IL23R: variants seen among roughly 807,000 people sequenced by gnomAD.
The protein encoded by IL23R is interleukin 23 receptor.
A neutral mutation model predicts 56.9 loss-of-function variants in IL23R; 34 were observed. The ratio of observed to expected loss-of-function variants is 0.60; its 90% CI spans 0.45 to 0.80. The LOEUF is 0.80. Ranked by LOEUF, IL23R falls within the 30% of genes least tolerant of loss-of-function variation. The probability of loss-of-function intolerance (pLI) is 0.00; values close to 1 mark genes in which losing one functional copy is unlikely to be tolerated. For missense variants in IL23R, 635 were observed against 730.0 expected (o/e 0.87, Z 1.50); for synonymous variants, 230 against 249.2 (o/e 0.92, Z 0.73).
chr1:67,248,824 T>C (rs1395930708), intron 9 of IL23R, among the ~76,000 whole-genome samples: 1 of 152,116 alleles, frequency 6.6e-6, no homozygotes, highest in African/African-American at 2.4e-5. Flanking sequence ...GATCTGCTGG[T>C]TGTGAAGACC....
At chr1:67,244,992 C>G (rs1390853737) in intron 9 of IL23R, among the ~76,000 whole-genome samples, 1 of 151,800 alleles carries the variant, frequency 6.6e-6, no homozygotes, top group African/African-American at 2.4e-5. Flanking sequence ...TTTCCTTGAG[C>G]AGTGGTTTGT....
chr1:67,254,054 T>TTTTA (rs946082847), intron 9 of IL23R, among the ~76,000 whole-genome samples: 91 of 152,024 alleles, frequency 6.0e-4, no homozygotes, highest in Middle Eastern at 3.4e-3. Flanking sequence ...AAGCAAAATA[T>TTTTA]TTTATTTATT....
At chr1:67,242,725 G>T (rs1290162839) in intron 9 of IL23R, among the ~76,000 whole-genome samples, 1 of 152,174 alleles carries the variant, frequency 6.6e-6, no homozygotes, top group Non-Finnish European at 1.5e-5. Context: ...GTTCTAGATT[G>T]TGAAGGGGTT....
rs770288306 is a variant in IL23R, at chr1:67,169,647, T to TG, written c.367+13dup. ...AGACATTTCTTCTGGATGTAAGTGT[T>TG]GGGGCACATTTGAAATGCAAACAAA... On this transcript the variant is annotated intron_variant, in intron 3 of 10. Coordinates refer to ENST00000347310, the MANE Select transcript of IL23R (RefSeq NM_144701.3). The TG allele has an allele frequency of 2.5e-6, 4 of 1,613,010 alleles. No homozygotes were observed. The highest frequency in any genetic ancestry group is 8.5e-7 in the Non-Finnish European group (1 of 1,179,176).
In IL23R at chr1:67,188,949, A is replaced by G. The variant is rs755310845; in HGVS notation, c.491+5990A>G. Among the ~76,000 whole-genome samples the G allele has an allele frequency of 1.5e-4, 23 of 152,188 alleles. 1 individual carries two copies. The highest frequency in any genetic ancestry group is 6.5e-4 in the Admixed American group (10 of 15,282). ...TAATATTCAGACTATAGCAAAGGAT[A>G]TTATAATATTATGGCCTAAGGGAAA... On this transcript the variant is annotated intron_variant, in intron 4 of 10. Transcript: ENST00000347310.
At chr1:67,258,421 TC>T in intron 10 of IL23R, 56 bp from the exon 11 acceptor site, 1 of 1,337,798 alleles carries the variant, frequency 7.5e-7, no homozygotes, top group South Asian at 1.3e-5. Context: ...CATTCAATTA[TC>T]CAGTTGGTTC....
chr1:67,142,497 C>T (rs1480975252), intron 1 of IL23R, among the ~76,000 whole-genome samples: 1 of 152,142 alleles, frequency 6.6e-6, no homozygotes, highest in Non-Finnish European at 1.5e-5. Flanking sequence ...GAGCTGAAGC[C>T]TCTCCCATTG....
At chr1:67,168,337 A>G in intron 2 of IL23R, 147 bp downstream of exon 2, 1 of 728,724 alleles carries the variant, frequency 1.4e-6, no homozygotes, top group Non-Finnish European at 2.4e-6. Flanking sequence ...ATTACATAGA[A>G]TGAAATAAAA....
intron 5 of IL23R, among the ~76,000 whole-genome samples, chr1:67,205,927 T>C (rs1024023196): frequency 9.0e-6 from 1 of 110,848 alleles, no homozygotes. Flanking sequence ...TTCTTTCTTT[T>C]TCTTTCTTTC....
At chr1:67,185,547 A>G (rs904679744) in intron 4 of IL23R, among the ~76,000 whole-genome samples, 8 of 152,010 alleles carry the variant, frequency 5.3e-5, no homozygotes, top group Non-Finnish European at 1.0e-4. Context: ...GTTTCAAGCA[A>G]TTCTCCCAGC....
chr1:67,246,821 A>G (rs1250618786), intron 9 of IL23R, among the ~76,000 whole-genome samples: 1 of 152,150 alleles, frequency 6.6e-6, no homozygotes, highest in Non-Finnish European at 1.5e-5. Context: ...GTAGATGTCT[A>G]TAGGTCCCAC....
rs181101796 is a variant in IL23R, at chr1:67,184,095, G to A, written c.491+1136G>A. 3.1e-3 allele frequency among the ~76,000 whole-genome samples: 477 copies of A among 152,002 alleles called. 5 individuals are homozygous for A. Among genetic ancestry groups the A allele is most frequent in the African/African-American group, 0.011 (435 of 41,428 alleles). On this transcript the variant is annotated intron_variant, in intron 4 of 10. Coordinates refer to ENST00000347310, the MANE Select transcript of IL23R (RefSeq NM_144701.3). ...CTAAAAATACAAAAATTAGCTGGGCGTGGTGGTGGGCGCCTGTAATCCCAG... is the reference window on the plus strand; with the variant it reads ...CTAAAAATACAAAAATTAGCTGGGCATGGTGGTGGGCGCCTGTAATCCCAG...
In IL23R at chr1:67,168,072, T is replaced by G. The variant is rs1016886478; in HGVS notation, c.-29-20T>G. The G allele has an allele frequency of 1.5e-6, 2 of 1,298,856 alleles. No individual in the cohort carries two copies. The highest frequency in any genetic ancestry group is 3.4e-5 in the Admixed American group (2 of 59,632). The allele number at this position is 1,298,856 out of a possible 1,614,324, so 80.5% of individuals were successfully genotyped here. ...TACTAAAATACTACAATTTAAACAT[T>G]TTTCATATTTTTTTTCCAGAGGGAA... On this transcript the variant is annotated intron_variant, in intron 1 of 10. Transcript: ENST00000347310.
At chr1:67,192,089 G>A (rs528941514) in intron 4 of IL23R, among the ~76,000 whole-genome samples, 6 of 152,274 alleles carry the variant, frequency 3.9e-5, no homozygotes, top group African/African-American at 1.4e-4. Flanking sequence ...GTGAGGGAAA[G>A]GATAAAGGGA....
At chr1:67,199,222 T>C (rs1648418772) in intron 4 of IL23R, among the ~76,000 whole-genome samples, 1 of 152,202 alleles carries the variant, frequency 6.6e-6, no homozygotes, top group Non-Finnish European at 1.5e-5. Flanking sequence ...CTTCTTGCAT[T>C]TTCAGGATCC....
chr1:67,197,752 T>C (rs917629186), intron 4 of IL23R, among the ~76,000 whole-genome samples: 1 of 152,132 alleles, frequency 6.6e-6, no homozygotes, highest in African/African-American at 2.4e-5. Flanking sequence ...GAGGCTGGCC[T>C]GGGCAATGTG....
At chr1:67,180,329 A>T (rs13114004) in intron 3 of IL23R, among the ~76,000 whole-genome samples, 1 of 152,184 alleles carries the variant, frequency 6.6e-6, no homozygotes, top group South Asian at 2.1e-4. Context: ...TATATTTAGG[A>T]TAGTTAGCTC....
At chr1:67,173,843 T>C (rs1173222830) in intron 3 of IL23R, among the ~76,000 whole-genome samples, 5 of 152,180 alleles carry the variant, frequency 3.3e-5, no homozygotes, top group Admixed American at 2.0e-4. Flanking sequence ...ATTTGGAATA[T>C]GTCTTTGAAA....
intron 8 of IL23R, among the ~76,000 whole-genome samples, chr1:67,237,481 T>G (rs1651560861): frequency 6.6e-6 from 1 of 152,266 alleles, no homozygotes; most frequent in Non-Finnish European, 1.5e-5. Context: ...GTTACGCATC[T>G]ATTTTATAAT....
Sources: gnomAD v4.1 joint callset for allele counts (sites outside exome capture counted in the v4.1 genomes callset) on GRCh38, gnomAD v4.1.1 for gene constraint, MANE v1.5 for transcripts, NCBI Gene and HGNC (gene_info 2026-07-23, HGNC 2026-07-21) for gene names.